The following CEP70 variants were observed in gnomAD, a reference collection of about 807,000 sequenced individuals.
CEP70 encodes the protein centrosomal protein of 70 kDa.
CEP70 carries 70 observed loss-of-function variants against 90.9 expected under a neutral mutation model. That is an observed-to-expected ratio of 0.77 (90% confidence interval 0.64 to 0.94). The LOEUF (loss-of-function observed/expected upper bound fraction) is 0.94, where lower values mean the gene tolerates loss of function less well. Among genes scored for constraint, CEP70 ranks in the 40% least tolerant of loss-of-function variants. CEP70 has a pLI of 0.00. For missense variants in CEP70, 648 were observed against 669.0 expected, an observed-to-expected ratio of 0.97 and a Z score of 0.35; for synonymous variants, 220 against 228.3, an observed-to-expected ratio of 0.96 and a Z score of 0.33.
intron 2 of CEP70, among the ~76,000 whole-genome samples, chr3:138,587,742 C>T (rs1196982256): frequency 1.3e-5 from 2 of 152,082 alleles, no homozygotes; most frequent in East Asian, 3.8e-4. Flanking sequence ...TGCCACTGCA[C>T]TCTAGGCTGG....
intron 11 of CEP70, among the ~76,000 whole-genome samples, chr3:138,520,796 C>T (rs2036540955): frequency 6.6e-6 from 1 of 152,058 alleles, no homozygotes; most frequent in Non-Finnish European, 1.5e-5. Flanking sequence ...CTCCCTCTCC[C>T]TTTTCACGGT....
intron 6 of CEP70, among the ~76,000 whole-genome samples, chr3:138,544,183 A>C (rs1309444280): frequency 6.6e-6 from 1 of 152,120 alleles, no homozygotes; most frequent in African/African-American, 2.4e-5. Context: ...TTTTTTTGTA[A>C]ATCTCATGGT....
chr3:138,505,093 A>G (rs1287315216), intron 13 of CEP70, among the ~76,000 whole-genome samples: 1 of 152,208 alleles, frequency 6.6e-6, no homozygotes, highest in Non-Finnish European at 1.5e-5. Flanking sequence ...CAGTAATGAC[A>G]ACATCAAATA....
chr3:138,515,171 A>ATTTG (rs1195340524), intron 11 of CEP70, among the ~76,000 whole-genome samples: 1 of 152,182 alleles, frequency 6.6e-6, no homozygotes, highest in Non-Finnish European at 1.5e-5. Context: ...TAGAGGAAAT[A>ATTTG]CAGGGTCAGG....
In CEP70 at chr3:138,517,490, C is replaced by A. The variant is rs570052147; in HGVS notation, c.944+8000G>T. 9.4e-4 allele frequency among the ~76,000 whole-genome samples: 143 copies of A among 152,206 alleles called. 1 individual carries two copies. Among genetic ancestry groups the A allele is most frequent in the Non-Finnish European group, 1.8e-3 (123 of 68,006 alleles). On this transcript the variant is annotated intron_variant, in intron 11 of 17. Coordinates refer to ENST00000264982, the MANE Select transcript of CEP70 (RefSeq NM_024491.4). ...CCACACAGTGGCTAACACAGTGAAA[C>A]CCCGTCTCTACTAAAAATACAAAAA...
intron 11 of CEP70, among the ~76,000 whole-genome samples, chr3:138,510,856 C>CTTT (rs869032871): frequency 8.1e-4 from 87 of 107,008 alleles, no homozygotes; most frequent in African/African-American, 1.7e-3. Flanking sequence ...CTTTTTCCAT[C>CTTT]TTTTTTTTTT....
intron 13 of CEP70, among the ~76,000 whole-genome samples, chr3:138,504,588 T>C (rs1212636981): frequency 6.6e-6 from 1 of 152,224 alleles, no homozygotes; most frequent in African/African-American, 2.4e-5. Context: ...CTATGTATTA[T>C]ATTAGTTACT....
chr3:138,544,526 T>TGTAC (rs1280443726), intron 6 of CEP70, among the ~76,000 whole-genome samples: 2 of 150,760 alleles, frequency 1.3e-5, no homozygotes, highest in Non-Finnish European at 2.9e-5. Context: ...TATGTATGTA[T>TGTAC]GTATGTATGT....
At chr3:138,566,060 C>T (rs138839533) in intron 6 of CEP70, among the ~76,000 whole-genome samples, 1,717 of 152,142 alleles carry the variant, frequency 0.011, 37 homozygotes, top group African/African-American at 0.039. Context: ...ATGTGGCCAA[C>T]AAACATATGA....
intron 16 of CEP70, 91 bp downstream of exon 16, chr3:138,500,019 A>G: frequency 4.7e-6 from 4 of 844,038 alleles, no homozygotes; most frequent in South Asian, 1.4e-5. Context: ...TGATCCTCCC[A>G]CATCAGCCTC....
chr3:138,548,453 C>T (rs183638661), intron 6 of CEP70, among the ~76,000 whole-genome samples: 57 of 152,300 alleles, frequency 3.7e-4, no homozygotes, highest in African/African-American at 1.3e-3. Context: ...TTCTCCAACT[C>T]CTTAAACTAA....
At chr3:138,567,612 T>A (rs1431096346) in intron 6 of CEP70, among the ~76,000 whole-genome samples, 1 of 152,212 alleles carries the variant, frequency 6.6e-6, no homozygotes, top group African/African-American at 2.4e-5. Context: ...GTTTACTGAC[T>A]AGCCCTTATC....
chr3:138,570,918 AT>A (rs754696406), intron 5 of CEP70, 115 bp downstream of exon 5: 54 of 855,204 alleles, frequency 6.3e-5, no homozygotes, highest in Non-Finnish European at 8.4e-5. Flanking sequence ...CTACAAAAAT[AT>A]TTTTTAGTTT....
At chr3:138,580,705 G>A (rs1393482186) in intron 2 of CEP70, among the ~76,000 whole-genome samples, 1 of 152,058 alleles carries the variant, frequency 6.6e-6, no homozygotes, top group Admixed American at 6.6e-5. Context: ...CAGACAGACA[G>A]AGATATGTGA....
At chr3:138,592,890 C>T (rs766269820) in intron 1 of CEP70, 2 of 152,156 alleles carry the variant, frequency 1.3e-5, no homozygotes, top group Non-Finnish European at 2.9e-5. Context: ...GTAACCCTTT[C>T]GAAGTCTCTA....
chr3:138,548,368 A>G (rs1230558165), intron 6 of CEP70, among the ~76,000 whole-genome samples: 2 of 152,198 alleles, frequency 1.3e-5, no homozygotes, highest in East Asian at 3.8e-4. Flanking sequence ...CCTTTCTAAG[A>G]TCATGGTATG....
intron 6 of CEP70, among the ~76,000 whole-genome samples, chr3:138,542,512 G>T (rs2038853568): frequency 1.3e-5 from 2 of 152,320 alleles, no homozygotes; most frequent in South Asian, 4.1e-4. Flanking sequence ...AGCTGTTTCA[G>T]TCCCACCACC....
intron 6 of CEP70, among the ~76,000 whole-genome samples, chr3:138,537,638 G>A (rs1268256710): frequency 6.6e-6 from 1 of 152,036 alleles, no homozygotes; most frequent in African/African-American, 2.4e-5. Flanking sequence ...CATAAAACTG[G>A]TATAATTTTA....
chr3:138,526,086 G>C (rs9855074), intron 10 of CEP70, among the ~76,000 whole-genome samples: 26,492 of 151,952 alleles, frequency 0.17, 2,645 homozygotes, highest in Middle Eastern at 0.23. Context: ...TGTGTTCAAG[G>C]TTTTCACATT....
Sources: allele counts gnomAD v4.1 joint callset (sites outside exome capture counted in the v4.1 genomes callset), GRCh38; gene constraint gnomAD v4.1.1; transcripts MANE v1.5; gene names NCBI Gene and HGNC (gene_info 2026-07-23, HGNC 2026-07-21).